PTPN4: variants seen among roughly 807,000 people sequenced by gnomAD.
PTPN4 encodes the protein protein tyrosine phosphatase non-receptor type 4, also known as tyrosine-protein phosphatase non-receptor type 4.
A neutral mutation model predicts 135.5 loss-of-function variants in PTPN4; 49 were observed. The ratio of observed to expected loss-of-function variants is 0.36; its 90% CI spans 0.29 to 0.46. The LOEUF is 0.46. Ranked by LOEUF, PTPN4 falls within the 20% of genes least tolerant of loss-of-function variation. The pLI, the probability that PTPN4 is intolerant of heterozygous loss-of-function variation, is 1.00. For synonymous variants in PTPN4, 333 were observed against 369.9 expected (o/e 0.90, Z 1.14); for missense variants, 860 against 1,101.0 (o/e 0.78, Z 3.10).
At chr2:119,944,999 A>G in intron 15 of PTPN4, 82 bp from the exon 16 acceptor site, 1 of 1,305,954 alleles carries the variant, frequency 7.7e-7, no homozygotes, top group South Asian at 1.6e-5. Flanking sequence ...GTCTCCTACC[A>G]GACATTGTAA....
intron 9 of PTPN4, among the ~76,000 whole-genome samples, chr2:119,896,594 T>C (rs533042427): frequency 2.0e-5 from 3 of 152,364 alleles, no homozygotes. Flanking sequence ...CCATTTATGC[T>C]GGATGCCTAG....
At chr2:119,806,040 T>C (rs929458131) in intron 1 of PTPN4, among the ~76,000 whole-genome samples, 3 of 152,020 alleles carry the variant, frequency 2.0e-5, no homozygotes, top group African/African-American at 7.2e-5. Flanking sequence ...AGAGATTTTG[T>C]CACCACCAGG....
intron 1 of PTPN4, among the ~76,000 whole-genome samples, chr2:119,779,772 GTCTC>G (rs1429375974): frequency 6.6e-6 from 1 of 152,126 alleles, no homozygotes; most frequent in Non-Finnish European, 1.5e-5. Context: ...TTGAGACACG[GTCTC>G]TCTTTGTCTC....
intron 3 of PTPN4, among the ~76,000 whole-genome samples, chr2:119,874,167 T>G (rs867879626): frequency 2.6e-5 from 4 of 152,194 alleles, no homozygotes; most frequent in Admixed American, 1.3e-4. Flanking sequence ...ATGGCTATAA[T>G]TTTTTAAAGA....
chr2:119,925,621 G>A (rs1678813189), intron 12 of PTPN4, among the ~76,000 whole-genome samples: 1 of 152,166 alleles, frequency 6.6e-6, no homozygotes, highest in South Asian at 2.1e-4. Flanking sequence ...AATGTTAACT[G>A]GACACAGTCC....
Position 119,760,530 on chromosome 2 carries a change from AAAAC to A in PTPN4, c.-18+166_-18+169del, listed in dbSNP as rs146701090. The A allele has an allele frequency of 2.2e-3, 835 of 377,682 alleles. 3 individuals are homozygous for A. The highest frequency in any genetic ancestry group is 0.012 in the African/African-American group (560 of 47,854). 23.4% of individuals were successfully genotyped at this position (377,682 alleles called of 1,614,324 possible). ...ATTTGAAAGGAAGGAAAAAAGGACA[AAAAC>A]AAACAAACAAACAAACAAAAAAACG... On this transcript the variant is annotated intron_variant, in intron 1 of 26. Transcript: ENST00000263708.
At chr2:119,951,444 A>C (rs928040548) in intron 18 of PTPN4, among the ~76,000 whole-genome samples, 1 of 152,226 alleles carries the variant, frequency 6.6e-6, no homozygotes, top group Non-Finnish European at 1.5e-5. Flanking sequence ...GAGGCAGCCC[A>C]ACTACATGCT....
intron 2 of PTPN4, among the ~76,000 whole-genome samples, chr2:119,817,748 C>T (rs1280806209): frequency 1.2e-4 from 18 of 152,274 alleles, no homozygotes; most frequent in Non-Finnish European, 1.8e-4. Context: ...CTATAAATTG[C>T]TCTGGGTAGT....
rs1678391070 is a variant in PTPN4, at chr2:119,900,797, C to A, written c.755C>A (p.Thr252Asn). 6.5e-7 allele frequency: 1 copy of A among 1,544,412 alleles called. No individual in the cohort carries two copies. Among genetic ancestry groups the A allele is most frequent in the East Asian group, 2.3e-5 (1 of 43,264 alleles). The change falls in exon 10 of 27, where the codon ACC (threonine) becomes AAC (asparagine). Residue 252 changes from threonine (T) to asparagine (N), a missense_variant. Physicochemically the swap from Thr to Asn is moderately conservative, Grantham distance 65. Coordinates refer to ENST00000263708, the MANE Select transcript of PTPN4 (RefSeq NM_002830.4). ...TATAAGAACAGGGTACGAATGAATA[C>A]CTTTCCATGGTAAGAACATCTATTG... Reference protein sequence around the residue: ...LIYKNRVRMNTFPWLKIVKIS... With the variant: ...LIYKNRVRMNNFPWLKIVKIS...
chr2:119,971,794 T>G (rs2105066036), intron 26 of PTPN4, among the ~76,000 whole-genome samples: 1 of 152,382 alleles, frequency 6.6e-6, no homozygotes, highest in East Asian at 1.9e-4. Context: ...CATTTAGCAT[T>G]GATCCATTTT....
chr2:119,807,697 AAG>A (rs1178756694), intron 1 of PTPN4, among the ~76,000 whole-genome samples: 7 of 152,190 alleles, frequency 4.6e-5, no homozygotes, highest in African/African-American at 1.4e-4. Flanking sequence ...TCAATAGAAA[AAG>A]AGAGAATCCT....
chr2:119,970,184 C>T (rs1320290124), intron 26 of PTPN4, among the ~76,000 whole-genome samples: 2 of 151,874 alleles, frequency 1.3e-5, no homozygotes, highest in African/African-American at 2.4e-5. Flanking sequence ...CTCAGCCTCC[C>T]GAGTAGCTGG....
In PTPN4 at chr2:119,956,930, G is replaced by T. The variant is rs72840427; in HGVS notation, c.2067G>T (p.Ser689=). 6.2e-7 allele frequency: 1 copy of T among 1,608,228 alleles called. No homozygotes were observed. The highest frequency in any genetic ancestry group is 8.5e-7 in the Non-Finnish European group (1 of 1,178,818). The change falls in exon 21 of 27, where the codon TCG becomes TCT. Residue 689 remains serine, a synonymous_variant. Coordinates refer to ENST00000263708, the MANE Select transcript of PTPN4 (RefSeq NM_002830.4). Reference sequence around the variant, plus strand: ...CCAAAAATAGATACAGAGATATTTCGCCTTGTAAGTATCTTATTGTCTCTG... The same window carrying T: ...CCAAAAATAGATACAGAGATATTTCTCCTTGTAAGTATCTTATTGTCTCTG... ...NISKNRYRDI[S]PYDATRVILK...
intron 6 of PTPN4, 114 bp from the exon 7 acceptor site, chr2:119,881,983 A>G (rs781638770): frequency 8.7e-7 from 1 of 1,144,508 alleles, no homozygotes; most frequent in Non-Finnish European, 1.3e-6. Flanking sequence ...TTTATTTCTT[A>G]ACAGTTAAAA....
chr2:119,951,320 T>G (rs1275203782), intron 18 of PTPN4, among the ~76,000 whole-genome samples: 1 of 152,220 alleles, frequency 6.6e-6, no homozygotes, highest in African/African-American at 2.4e-5. Flanking sequence ...TTATGGTCCA[T>G]TCAAACTTCA....
chr2:119,771,004 C>G (rs1001158489), intron 1 of PTPN4, among the ~76,000 whole-genome samples: 1 of 152,114 alleles, frequency 6.6e-6, no homozygotes, highest in Non-Finnish European at 1.5e-5. Flanking sequence ...CTCAGCCTCC[C>G]GAGTGGCTGG....
chr2:119,892,080 C>T (rs1678248933), intron 9 of PTPN4, among the ~76,000 whole-genome samples: 1 of 152,174 alleles, frequency 6.6e-6, no homozygotes, highest in South Asian at 2.1e-4. Flanking sequence ...CCTCCCAAAG[C>T]TTGCATTCTG....
chr2:119,963,424 C>T (rs547959167), intron 24 of PTPN4, among the ~76,000 whole-genome samples: 1 of 152,328 alleles, frequency 6.6e-6, no homozygotes, highest in South Asian at 2.1e-4. Context: ...AGCTATCCCC[C>T]TGCCACCATC....
intron 2 of PTPN4, among the ~76,000 whole-genome samples, chr2:119,846,625 A>C (rs1402644177): frequency 6.7e-6 from 1 of 150,368 alleles, no homozygotes; most frequent in Non-Finnish European, 1.5e-5. Flanking sequence ...GTTATTATTG[A>C]TATGGTTGGA....
Sources: gnomAD v4.1 joint callset for allele counts (sites outside exome capture counted in the v4.1 genomes callset) on GRCh38, gnomAD v4.1.1 for gene constraint, MANE v1.5 for transcripts, NCBI Gene and HGNC (gene_info 2026-07-23, HGNC 2026-07-21) for gene names.